Variants in MACROD2 observed in about 807,000 individuals in gnomAD.
MACROD2 encodes the protein mono-ADP ribosylhydrolase 2, also known as ADP-ribose glycohydrolase MACROD2.
MACROD2 carries 36 observed loss-of-function variants against 70.4 expected under a neutral mutation model. That is an observed-to-expected ratio of 0.51 (90% confidence interval 0.39 to 0.68). The LOEUF (loss-of-function observed/expected upper bound fraction) is 0.68. Ranked by LOEUF, MACROD2 falls within the 30% of genes least tolerant of loss-of-function variation. The pLI is 0.00. For missense variants in MACROD2, 496 were observed against 538.4 expected, an observed-to-expected ratio of 0.92 and a Z score of 0.78; for synonymous variants, 172 against 178.8, an observed-to-expected ratio of 0.96 and a Z score of 0.30.
intron 8 of MACROD2, among the ~76,000 whole-genome samples, chr20:15,533,489 A>G (rs1005650950): frequency 3.9e-5 from 6 of 152,088 alleles, no homozygotes. Context: ...GTTATTTCAG[A>G]CAACAAAAAA....
chr20:14,626,833 G>A (rs900124839), intron 4 of MACROD2: 15 of 152,214 alleles, frequency 9.9e-5, no homozygotes, highest in African/African-American at 3.6e-4. Flanking sequence ...AGTGTGGGCA[G>A]CTGTGACCTA....
At chr20:14,713,018 A>G (rs2071356103) in intron 5 of MACROD2, among the ~76,000 whole-genome samples, 1 of 152,190 alleles carries the variant, frequency 6.6e-6, no homozygotes, top group South Asian at 2.1e-4. Flanking sequence ...GAAAACAGAG[A>G]CAAAAAGAAA....
chr20:15,629,924 A>C (rs1382629760), intron 8 of MACROD2, among the ~76,000 whole-genome samples: 1 of 152,206 alleles, frequency 6.6e-6, no homozygotes. Flanking sequence ...GTAATTTAGC[A>C]ATGTGGGAAT....
chr20:15,106,419 C>T (rs1296407765), intron 5 of MACROD2, among the ~76,000 whole-genome samples: 1 of 152,048 alleles, frequency 6.6e-6, no homozygotes, highest in African/African-American at 2.4e-5. Flanking sequence ...AATACCTATT[C>T]TGTATAAGAG....
At chr20:14,574,808 G>A (rs1215450888) in intron 4 of MACROD2, among the ~76,000 whole-genome samples, 2 of 148,842 alleles carry the variant, frequency 1.3e-5, no homozygotes, top group Admixed American at 6.7e-5. Context: ...TCAGGAGATC[G>A]AGACCATCCT....
chr20:14,550,673 G>T (rs1978593715), intron 4 of MACROD2, among the ~76,000 whole-genome samples: 1 of 152,174 alleles, frequency 6.6e-6, no homozygotes, highest in Admixed American at 6.5e-5. Flanking sequence ...TATTTGGAAA[G>T]AAACATAAGG....
At chr20:14,349,740 G>A (rs925784884) in intron 3 of MACROD2, among the ~76,000 whole-genome samples, 4 of 150,182 alleles carry the variant, frequency 2.7e-5, no homozygotes, top group Admixed American at 2.7e-4. Context: ...TCTGTGCCTG[G>A]CTTATTTCAT....
chr20:14,703,603 G>A (rs945998061), intron 5 of MACROD2, among the ~76,000 whole-genome samples: 1 of 152,166 alleles, frequency 6.6e-6, no homozygotes. Context: ...TAATCCTAGC[G>A]ACTAGGGAGG....
intron 5 of MACROD2, among the ~76,000 whole-genome samples, chr20:14,855,276 A>T (rs1284854973): frequency 1.3e-5 from 2 of 152,192 alleles, no homozygotes; most frequent in African/African-American, 4.8e-5. Flanking sequence ...CTAATCTTAA[A>T]TACTTTGGAA....
At position 14,085,651 on chromosome 20, in the gene MACROD2, A is replaced by C. The variant is rs2054067788; in HGVS notation, c.194A>C (p.Lys65Thr). The stretch of plus-strand genomic sequence containing the variant: ...AATACTCAGGAAACATCCCAGGTGA[A>C]GAAAAGTTTGACTGAAAAAGTTTCT... ...EENTQETSQV[K>T]KSLTEKVSLY... Residue 65 changes from lysine to threonine, a missense_variant, in exon 3 of 18, where the codon AAG becomes ACG. Lys to Thr is a moderately conservative substitution (Grantham distance 78). Transcript: ENST00000684519. The C allele has an allele frequency of 5.7e-6, 9 of 1,581,972 alleles. No homozygotes were observed. The highest frequency in any genetic ancestry group is 7.7e-6 in the Non-Finnish European group (9 of 1,163,544).
At chr20:15,463,480 T>G (rs1883967487) in intron 7 of MACROD2, among the ~76,000 whole-genome samples, 3 of 152,196 alleles carry the variant, frequency 2.0e-5, no homozygotes, top group Admixed American at 6.5e-5. Flanking sequence ...CCAGGTGTGG[T>G]GGCTCACACC....
At chr20:14,579,124 ATTCTTTTTT>A (rs1490673311) in intron 4 of MACROD2, among the ~76,000 whole-genome samples, 2 of 123,656 alleles carry the variant, frequency 1.6e-5, no homozygotes, top group East Asian at 4.4e-4. Flanking sequence ...ACTGTATCCA[ATTCTTTTTT>A]TTTTTTTTTT....
intron 8 of MACROD2, among the ~76,000 whole-genome samples, chr20:15,557,790 G>A (rs79496312): frequency 0.027 from 4,122 of 152,186 alleles, 153 homozygotes; most frequent in African/African-American, 0.09. Flanking sequence ...ATATCCCCTG[G>A]TCTCTGAGCT....
chr20:14,854,132 G>A (rs1851145847), intron 5 of MACROD2, among the ~76,000 whole-genome samples: 1 of 152,092 alleles, frequency 6.6e-6, no homozygotes, highest in African/African-American at 2.4e-5. Flanking sequence ...TTGTCCGTGA[G>A]TTCAGGGAGG....
chr20:16,045,258 G>T (rs1239818539), intron 17 of MACROD2, among the ~76,000 whole-genome samples: 1 of 152,076 alleles, frequency 6.6e-6, no homozygotes, highest in African/African-American at 2.4e-5. Context: ...TAAAAAGCCT[G>T]GTCCAGATCA....
At chr20:14,138,611 C>T (rs960986437) in intron 3 of MACROD2, among the ~76,000 whole-genome samples, 1 of 151,912 alleles carries the variant, frequency 6.6e-6, no homozygotes, top group Admixed American at 6.6e-5. Context: ...TAGTGATTGC[C>T]GGTGGCTGGG....
intron 3 of MACROD2, among the ~76,000 whole-genome samples, chr20:14,126,229 G>A (rs116126807): frequency 6.9e-4 from 105 of 152,302 alleles, no homozygotes; most frequent in African/African-American, 2.4e-3. Flanking sequence ...GCAGATGGCT[G>A]CCCTCTTGCT....
intron 2 of MACROD2, among the ~76,000 whole-genome samples, chr20:14,079,459 C>G (rs1285287629): frequency 6.6e-6 from 1 of 152,128 alleles, no homozygotes; most frequent in Non-Finnish European, 1.5e-5. Context: ...TCTTTAATGT[C>G]TTATTTAAGG....
At chr20:15,209,908 G>T (rs1172538981) in intron 5 of MACROD2, among the ~76,000 whole-genome samples, 1 of 152,168 alleles carries the variant, frequency 6.6e-6, no homozygotes, top group Non-Finnish European at 1.5e-5. Context: ...GTTTTCTAAT[G>T]CCAGGATGGT....
Sources: allele counts gnomAD v4.1 joint callset (sites outside exome capture counted in the v4.1 genomes callset), GRCh38; gene constraint gnomAD v4.1.1; transcripts MANE v1.5; gene names NCBI Gene and HGNC (gene_info 2026-07-23, HGNC 2026-07-21).